Variants in AACS observed in about 807,000 individuals in gnomAD.
AACS encodes the protein acetoacetate-CoA ligase.
In AACS, 69 loss-of-function variants were observed where a neutral mutation model predicts 83.1. The observed-to-expected ratio is 0.83, with a 90% CI of 0.68 to 1.01. AACS has a LOEUF of 1.01. AACS is among the 50% of genes least tolerant of loss of function. The pLI is 0.00. For missense variants in AACS, 866 were observed against 882.2 expected (o/e 0.98, Z 0.23); for synonymous variants, 333 against 343.4 (o/e 0.97, Z 0.33).
intron 3 of AACS, chr12:125,078,163 C>A (rs1186394299): frequency 2.2e-6 from 1 of 456,254 alleles, no homozygotes; most frequent in East Asian, 7.0e-5. Context: ...CAGAGCAGGG[C>A]CTCCCTTCTG....
intron 12 of AACS, 144 bp from the exon 13 acceptor site, chr12:125,128,017 G>C (rs1957272856): frequency 3.7e-6 from 2 of 533,872 alleles, no homozygotes; most frequent in Admixed American, 3.4e-5. Flanking sequence ...CTGAAGAGAA[G>C]CCCCACCTGT....
chr12:125,067,764 C>T (rs1017505325), intron 1 of AACS, among the ~76,000 whole-genome samples: 7 of 152,128 alleles, frequency 4.6e-5, no homozygotes, highest in African/African-American at 1.7e-4. Context: ...GAACTCCTGA[C>T]CTCAGGTGAT....
chr12:125,079,408 G>A (rs558053401), intron 3 of AACS, among the ~76,000 whole-genome samples: 2 of 152,256 alleles, frequency 1.3e-5, no homozygotes, highest in East Asian at 3.9e-4. Context: ...CTCTGACAGG[G>A]TCTCACTCTA....
rs756048600 is a variant in AACS at position 125,073,981 on chromosome 12, T to C, written c.237+2T>C. 29 of 1,598,940 alleles carry C rather than the reference T, an allele frequency of 1.8e-5. 1 individual carries two copies. In the South Asian group the frequency reaches 3.1e-4, roughly 17 times the overall value. ...GTCTTCTCACGTGTGTATGATGAGG[T>C]AAGTAGAGATTTTCCGTGGATATCA... On this transcript the variant is annotated splice_donor_variant, in intron 2 of 17. Coordinates refer to ENST00000316519, the MANE Select transcript of AACS (RefSeq NM_023928.5). LOFTEE classifies it high-confidence loss of function.
chr12:125,136,910 C>CAATGTGTGGGCTCGTG, intron 17 of AACS, 46 bp downstream of exon 17: 1 of 1,591,150 alleles, frequency 6.3e-7, no homozygotes, highest in Non-Finnish European at 8.6e-7. Flanking sequence ...CATCGCCCCA[C>CAATGTGTGGGCTCGTG]GAGCCCACAC....
At chr12:125,085,837 A>G (rs1956326934) in intron 3 of AACS, among the ~76,000 whole-genome samples, 1 of 152,156 alleles carries the variant, frequency 6.6e-6, no homozygotes, top group East Asian at 1.9e-4. Flanking sequence ...TTATTTTGAG[A>G]CAGGTTCTTG....
At chr12:125,115,746 A>G (rs1213569634) in intron 9 of AACS, among the ~76,000 whole-genome samples, 2 of 151,298 alleles carry the variant, frequency 1.3e-5, no homozygotes, top group Non-Finnish European at 2.9e-5. Flanking sequence ...GACCTCACAC[A>G]GGTGCAGGAG....
At position 125,097,792 on chromosome 12, in the gene AACS, G is replaced by A. The variant is rs1333311805; in HGVS notation, c.571-4887G>A. ...GGGGAGCCCCATCTCAGTAACCCCC[G>A]CCACTACAACCCTGCCAAACCAGGA... is the stretch of plus-strand genomic sequence containing the variant. On this transcript the variant is annotated intron_variant, in intron 5 of 17. Transcript: ENST00000316519. The surrounding 1 kb of genome is among the most constrained non-coding windows in gnomAD (Gnocchi z 4.3). Among the ~76,000 whole-genome samples, 1 of 152,106 alleles carries A rather than the reference G, an allele frequency of 6.6e-6. No homozygotes were observed. Among genetic ancestry groups the A allele is most frequent in the East Asian group, 1.9e-4 (1 of 5,192 alleles).
chr12:125,102,327 G>A (rs1956729279), intron 5 of AACS: 1 of 227,638 alleles, frequency 4.4e-6, no homozygotes, highest in African/African-American at 2.3e-5. Flanking sequence ...TTGGATTACA[G>A]GTGTGAGCCA....
intron 13 of AACS, chr12:125,128,816 C>T (rs1368722252): frequency 1.3e-5 from 2 of 154,170 alleles, no homozygotes; most frequent in Non-Finnish European, 2.9e-5. Context: ...TTTGTAGCGC[C>T]CCATGATTTG....
chr12:125,107,060 G>T, intron 7 of AACS, 61 bp from the exon 8 acceptor site: 1 of 1,606,700 alleles, frequency 6.2e-7, no homozygotes, highest in Non-Finnish European at 8.5e-7. Flanking sequence ...GGTGGAATCA[G>T]TGGGTCCGGT....
chr12:125,119,692 G>A (rs1256176215), intron 10 of AACS, among the ~76,000 whole-genome samples: 5 of 152,164 alleles, frequency 3.3e-5, no homozygotes, highest in Admixed American at 2.6e-4. Context: ...TGGGTCCCTC[G>A]TACGACACAT....
intron 5 of AACS, among the ~76,000 whole-genome samples, chr12:125,093,552 G>T (rs186401165): frequency 1.4e-4 from 22 of 152,338 alleles, no homozygotes; most frequent in Non-Finnish European, 2.8e-4. Context: ...GCCGGGGTTG[G>T]TCCAGGGTTT....
chr12:125,076,272 T>G (rs1284737766), intron 2 of AACS, among the ~76,000 whole-genome samples: 1 of 152,244 alleles, frequency 6.6e-6, no homozygotes, highest in South Asian at 2.1e-4. Flanking sequence ...TGGGGATGGT[T>G]GTTTTCCGTT....
At chr12:125,102,853 G>A in intron 6 of AACS, 60 bp downstream of exon 6, 7 of 1,532,638 alleles carry the variant, frequency 4.6e-6, no homozygotes, top group Non-Finnish European at 6.3e-6. Flanking sequence ...GTACATAAGA[G>A]TCTGCCAGGA....
intron 9 of AACS, among the ~76,000 whole-genome samples, chr12:125,115,212 C>T (rs973184959): frequency 6.6e-6 from 1 of 151,544 alleles, no homozygotes; most frequent in Non-Finnish European, 1.5e-5. Context: ...ACATCAAGAG[C>T]TTCCACAGTG....
chr12:125,090,817 A>G (rs569764751), intron 4 of AACS, among the ~76,000 whole-genome samples: 12 of 152,246 alleles, frequency 7.9e-5, no homozygotes, highest in Non-Finnish European at 1.6e-4. Flanking sequence ...GCAAAGAACA[A>G]GACAGGCAAA....
chr12:125,128,070 C>A, intron 12 of AACS, 91 bp from the exon 13 acceptor site: 1 of 895,362 alleles, frequency 1.1e-6, no homozygotes, highest in Non-Finnish European at 1.7e-6. Context: ...GATATTTGTC[C>A]TCTTGGCACC....
chr12:125,095,128 G>A (rs954745304), intron 5 of AACS, among the ~76,000 whole-genome samples: 2 of 152,118 alleles, frequency 1.3e-5, no homozygotes, highest in Admixed American at 6.5e-5. Flanking sequence ...GCTAAGCACC[G>A]TATTCAGGTC....
Sources: allele counts gnomAD v4.1 joint callset (sites outside exome capture counted in the v4.1 genomes callset), GRCh38; gene constraint gnomAD v4.1.1; non-coding constraint Gnocchi (gnomAD v3.1); transcripts MANE v1.5; gene names NCBI Gene and HGNC (gene_info 2026-07-23, HGNC 2026-07-21).